PDE6B: variants seen among roughly 807,000 people sequenced by gnomAD.
PDE6B encodes rod cGMP-specific 3',5'-cyclic phosphodiesterase subunit beta.
A neutral mutation model predicts 109.0 loss-of-function variants in PDE6B; 106 were observed. The observed-to-expected ratio is 0.97, with a 90% CI of 0.83 to 1.14. PDE6B has a LOEUF of 1.14. Ranked by LOEUF, PDE6B falls within the 50% of genes most tolerant of loss-of-function variation. The probability of loss-of-function intolerance (pLI) is 0.00; values close to 1 mark genes in which losing one functional copy is unlikely to be tolerated. For missense variants in PDE6B, 1,193 were observed against 1,155.6 expected (o/e 1.03, Z -0.47); for synonymous variants, 490 against 471.3 (o/e 1.04, Z -0.51).
Position 662,145 on chromosome 4 carries a change from G to A in PDE6B, c.1626G>A (p.Arg542=). 2 of 1,558,616 alleles carry A rather than the reference G, an allele frequency of 1.3e-6. No individual in the cohort carries two copies. The highest frequency in any genetic ancestry group is 1.7e-4 in the Middle Eastern group (1 of 5,994). The change falls in exon 13 of 22, where the codon CGG becomes CGA. Residue 542 remains arginine, a synonymous_variant. Transcript: ENST00000496514. This position sits in a 1 kb window ranked among gnomAD's most constrained non-coding sequence, Gnocchi z 4.3. ...CTCGGCTCCCCCAGGTCCTGGTGCGGTTCCTGTTCTCCATCAGCAAAGGGT... is the reference window on the plus strand; with the variant it reads ...CTCGGCTCCCCCAGGTCCTGGTGCGATTCCTGTTCTCCATCAGCAAAGGGT... ...KFQIPQEVLV[R]FLFSISKGYR... is the part of the protein sequence containing the mutation.
rs1314216375 is a variant in PDE6B, at chr4:656,230, C to T, written c.1060-15C>T. On this transcript the variant is annotated splice_polypyrimidine_tract_variant and intron_variant, in intron 7 of 21. Coordinates refer to ENST00000496514, the MANE Select transcript of PDE6B (RefSeq NM_000283.4). ...CGCTGTTTTGGATGAAATCGTTTTT[C>T]TGATGCTTTTTCAGATTTGTAACAT... is the stretch of plus-strand genomic sequence containing the variant. 1.3e-6 allele frequency: 2 copies of T among 1,581,544 alleles called. No homozygotes were observed. The highest frequency in any genetic ancestry group is 8.7e-7 in the Non-Finnish European group (1 of 1,150,576).
At chr4:629,310 G>T (rs1350649881) in intron 1 of PDE6B, among the ~76,000 whole-genome samples, 1 of 152,228 alleles carries the variant, frequency 6.6e-6, no homozygotes, top group Non-Finnish European at 1.5e-5. Context: ...CCCCTTTGTG[G>T]CTCCTCAGAC....
chr4:630,480 G>A (rs1009682526), intron 1 of PDE6B, among the ~76,000 whole-genome samples: 1 of 152,164 alleles, frequency 6.6e-6, no homozygotes, highest in Non-Finnish European at 1.5e-5. Flanking sequence ...ATGTTTCCGC[G>A]TGGGACTCTT....
rs772571149 is a variant in PDE6B, at chr4:633,239, G to C, written c.469-1438G>C. Among the ~76,000 whole-genome samples the C allele has an allele frequency of 7.9e-5, 12 of 152,146 alleles. No individual in the cohort carries two copies. Among genetic ancestry groups the C allele is most frequent in the Non-Finnish European group, 1.5e-4 (10 of 68,016 alleles). ...GAGCCCTCCCTCAGGGCCCATCCCTGTTTCAGATCCAATAAAGGGATGCTG... is the reference window on the plus strand; with the variant it reads ...GAGCCCTCCCTCAGGGCCCATCCCTCTTTCAGATCCAATAAAGGGATGCTG... On this transcript the variant is annotated intron_variant, in intron 1 of 21. Transcript: ENST00000496514. The surrounding 1 kb of genome is among the most constrained non-coding windows in gnomAD (Gnocchi z 4.5).
intron 7 of PDE6B, 58 bp downstream of exon 7, chr4:656,064 T>C: frequency 8.5e-7 from 1 of 1,173,752 alleles, no homozygotes; most frequent in Admixed American, 1.7e-5. Flanking sequence ...TGCGGCGATG[T>C]GTGCTTCTCC....
rs1560134149 is a variant in PDE6B, at chr4:663,273, G to A, written c.1920+86G>A. 2.4e-6 allele frequency: 2 copies of A among 826,754 alleles called. No individual in the cohort carries two copies. The highest frequency in any genetic ancestry group is 4.3e-6 in the Non-Finnish European group (2 of 466,222). 51.2% of individuals were successfully genotyped at this position (826,754 alleles called of 1,614,324 possible). A position where few individuals can be genotyped will look rare whatever the true frequency, so the allele number is the denominator to read the frequency against. On this transcript the variant is annotated intron_variant, in intron 15 of 21. Transcript: ENST00000496514. The surrounding 1 kb of genome is among the most constrained non-coding windows in gnomAD (Gnocchi z 4.0). ...GCAGGGCCGTATCCTGCGGAGCAGG[G>A]TTCTGATGCAGCGGGTGAGCACTGG...
chr4:654,862 C>A lies in PDE6B; in HGVS notation c.966C>A (p.His322Gln), dbSNP rs143711050. The stretch of plus-strand genomic sequence containing the variant: ...ACAAAGTGATCGACTACGTCCTCCA[C>A]GGCAAGGAGGAGATCAAGGTCATTC... Reference protein sequence around the residue: ...VFYKVIDYVLHGKEEIKVIPT... With the variant: ...VFYKVIDYVLQGKEEIKVIPT... The change falls in exon 6 of 22, where the codon CAC (histidine) becomes CAA (glutamine). Residue 322 changes from histidine (H) to glutamine (Q), a missense_variant. His to Gln is a conservative substitution (Grantham distance 24). Coordinates refer to ENST00000496514, the MANE Select transcript of PDE6B (RefSeq NM_000283.4). The A allele has an allele frequency of 1.9e-6, 3 of 1,565,994 alleles. No homozygotes were observed. Among genetic ancestry groups the A allele is most frequent in the Non-Finnish European group, 2.6e-6 (3 of 1,136,388 alleles).
intron 20 of PDE6B, 98 bp from the exon 21 acceptor site, chr4:667,758 G>T: frequency 7.5e-7 from 1 of 1,337,062 alleles, no homozygotes; most frequent in Non-Finnish European, 1.1e-6. Flanking sequence ...CTGCCAGGCA[G>T]TTCATCCCCT....
rs951358304 is a variant in PDE6B at position 663,640 on chromosome 4, GT to G, written c.1921-129del. On this transcript the variant is annotated intron_variant, in intron 15 of 21. Transcript: ENST00000496514. The surrounding 1 kb of genome is among the most constrained non-coding windows in gnomAD (Gnocchi z 4.0). ...GCCCTGAGCAGCAGGCGGATTAGGG[GT>G]CCCGCCCACCGAGGGCCCGAGGGCG... 2.6e-4 allele frequency: 185 copies of G among 722,432 alleles called. No homozygotes were observed. The highest frequency in any genetic ancestry group is 4.3e-4 in the Non-Finnish European group (170 of 395,508). 44.8% of individuals were successfully genotyped at this position (722,432 alleles called of 1,614,324 possible).
At chr4:645,699 CTCTTTTTT>C (rs1283574519) in intron 3 of PDE6B, among the ~76,000 whole-genome samples, 3 of 151,970 alleles carry the variant, frequency 2.0e-5, no homozygotes, top group African/African-American at 4.8e-5. Flanking sequence ...TTATCATCCC[CTCTTTTTT>C]TCTGCCTTCT....
chr4:655,001 C>T (rs543684127), intron 6 of PDE6B, 113 bp downstream of exon 6: 14 of 780,478 alleles, frequency 1.8e-5, no homozygotes, highest in African/African-American at 5.0e-5. Flanking sequence ...TCAGCAGCAC[C>T]GGCCTGGCCT....
At position 652,595 on chromosome 4, in the gene PDE6B, A is replaced by G. The variant is rs1011869668; in HGVS notation, c.712-1257A>G. The G allele has an allele frequency of 7.3e-6, 4 of 551,310 alleles. No homozygotes were observed. In the South Asian group the frequency reaches 3.1e-4, roughly 43 times the overall value. The allele number at this position is 551,310 out of a possible 1,614,324, so 34.2% of individuals were successfully genotyped here. On this transcript the variant is annotated intron_variant, in intron 3 of 21. Transcript: ENST00000496514. ...TTCCGAGGATTTATGATGTGGGAAA[A>G]GTTTTAAATTAAAAATAAGAATAAG...
rs372114081 is a variant in PDE6B, at chr4:626,122, C to T, written c.468+28C>T. 1.6e-4 allele frequency: 214 copies of T among 1,339,392 alleles called. No individual in the cohort carries two copies. The highest frequency in any genetic ancestry group is 2.1e-4 in the Non-Finnish European group (197 of 955,532). 83.0% of individuals were successfully genotyped at this position (1,339,392 alleles called of 1,614,324 possible). ...GGGTCTGTGCGGAGCCTCAGGGAGG[C>T]GGCTGTGTGCATCTCTTGCACCTGT... On this transcript the variant is annotated intron_variant, in intron 1 of 21. Coordinates refer to ENST00000496514, the MANE Select transcript of PDE6B (RefSeq NM_000283.4). This position sits in a 1 kb window ranked among gnomAD's most constrained non-coding sequence, Gnocchi z 4.6.
At chr4:634,533 C>T (rs1734547568) in intron 1 of PDE6B, 144 bp from the exon 2 acceptor site, 9 of 784,012 alleles carry the variant, frequency 1.1e-5, no homozygotes, top group Non-Finnish European at 1.9e-5. Context: ...GCCCGGTGGC[C>T]ACATCCCAGT....
chr4:665,205 TTC>T lies in PDE6B; in HGVS notation c.2194-49_2194-48del. 1 of 1,417,106 alleles carries T rather than the reference TTC, an allele frequency of 7.1e-7. No homozygotes were observed. The highest frequency in any genetic ancestry group is 9.9e-7 in the Non-Finnish European group (1 of 1,007,256). 87.8% of individuals were successfully genotyped at this position (1,417,106 alleles called of 1,614,324 possible). A position where few individuals can be genotyped will look rare whatever the true frequency, so the allele number is the denominator to read the frequency against. On this transcript the variant is annotated intron_variant, in intron 18 of 21. Coordinates refer to ENST00000496514, the MANE Select transcript of PDE6B (RefSeq NM_000283.4). This position sits in a 1 kb window ranked among gnomAD's most constrained non-coding sequence, Gnocchi z 4.0. Reference sequence around the variant, plus strand: ...AGCCTCACGGGGCGGGCCCGGGCCCTTCCGCGTGGGCTCAGAGCTCCACAGAC... The same window carrying T: ...AGCCTCACGGGGCGGGCCCGGGCCCTCGCGTGGGCTCAGAGCTCCACAGAC...
At position 663,464 on chromosome 4, in the gene PDE6B, G is replaced by A. The variant is rs1218645103; in HGVS notation, c.1920+277G>A. ...AAGCGGCCCGGGACCCACCAGCGGG[G>A]GAATGAAGGGCAGCCGAGCCCTGAG... On this transcript the variant is annotated intron_variant, in intron 15 of 21. Coordinates refer to ENST00000496514, the MANE Select transcript of PDE6B (RefSeq NM_000283.4). The surrounding 1 kb of genome is among the most constrained non-coding windows in gnomAD (Gnocchi z 4.0). Among the ~76,000 whole-genome samples, 6 of 152,194 alleles carry A rather than the reference G, an allele frequency of 3.9e-5. No individual in the cohort carries two copies. Among genetic ancestry groups the A allele is most frequent in the Non-Finnish European group, 5.9e-5 (4 of 68,020 alleles).
Position 666,457 on chromosome 4 carries a change from G to A in PDE6B, c.2269-74G>A. ...TCCATGAGCACATCTGAGTGAGGGG[G>A]TCGGGGGGCTGGGCGGGGCCCCAGG... On this transcript the variant is annotated intron_variant, in intron 19 of 21. Transcript: ENST00000496514. This position sits in a 1 kb window ranked among gnomAD's most constrained non-coding sequence, Gnocchi z 5.6. The A allele has an allele frequency of 1.1e-6, 1 of 947,756 alleles. No individual in the cohort carries two copies. The allele number at this position is 947,756 out of a possible 1,614,324, so 58.7% of individuals were successfully genotyped here. A position where few individuals can be genotyped will look rare whatever the true frequency, so the allele number is the denominator to read the frequency against.
intron 8 of PDE6B, 63 bp from the exon 9 acceptor site, chr4:656,811 G>T: frequency 6.4e-7 from 1 of 1,550,532 alleles, no homozygotes; most frequent in South Asian, 1.1e-5. Flanking sequence ...ACTCTCCCCG[G>T]CCACACGCCC....
chr4:650,212 T>C (rs558285020), intron 3 of PDE6B, among the ~76,000 whole-genome samples: 17 of 152,312 alleles, frequency 1.1e-4, no homozygotes, highest in African/African-American at 3.8e-4. Flanking sequence ...CAGCCACACC[T>C]TGAAAAGGGG....
Sources: allele counts gnomAD v4.1 joint callset (sites outside exome capture counted in the v4.1 genomes callset), GRCh38; gene constraint gnomAD v4.1.1; non-coding constraint Gnocchi (gnomAD v3.1); transcripts MANE v1.5; gene names NCBI Gene and HGNC (gene_info 2026-07-23, HGNC 2026-07-21).